Variants in HEPHL1 observed in about 807,000 individuals in gnomAD.
The protein encoded by HEPHL1 is ferroxidase HEPHL1.
Under a neutral mutation model 122.0 loss-of-function variants are expected in HEPHL1, and 123 were observed. The ratio of observed to expected loss-of-function variants is 1.01; its 90% CI spans 0.87 to 1.17. The LOEUF (loss-of-function observed/expected upper bound fraction) is 1.17, where lower values mean the gene tolerates loss of function less well. Among genes scored for constraint, HEPHL1 ranks in the 50% most tolerant of loss-of-function variants. The pLI, the probability that HEPHL1 is intolerant of heterozygous loss-of-function variation, is 0.00. For missense variants in HEPHL1, 1,452 were observed against 1,430.5 expected (o/e 1.01, Z -0.24); for synonymous variants, 527 against 508.9 (o/e 1.04, Z -0.48).
At chr11:94,031,683 C>T (rs776681759) in intron 1 of HEPHL1, among the ~76,000 whole-genome samples, 9 of 152,192 alleles carry the variant, frequency 5.9e-5, no homozygotes, top group Non-Finnish European at 1.3e-4. Context: ...CCTGTGATTC[C>T]TGGGGTTCTT....
intron 1 of HEPHL1, among the ~76,000 whole-genome samples, chr11:94,024,286 G>C (rs573301146): frequency 5.3e-5 from 8 of 152,296 alleles, no homozygotes; most frequent in African/African-American, 1.7e-4. Flanking sequence ...TCTTGAACAT[G>C]TCATATAATC....
intron 1 of HEPHL1, among the ~76,000 whole-genome samples, chr11:94,035,781 G>A (rs1448514133): frequency 2.0e-5 from 3 of 152,302 alleles, no homozygotes; most frequent in African/African-American, 7.2e-5. Flanking sequence ...CTGTCACCCA[G>A]GCTGGAGTGC....
intron 13 of HEPHL1, among the ~76,000 whole-genome samples, chr11:94,097,336 T>A (rs1356690462): frequency 6.6e-6 from 1 of 152,172 alleles, no homozygotes; most frequent in Non-Finnish European, 1.5e-5. Context: ...TTTGAGTGAG[T>A]TCCTTAATCC....
chr11:94,021,455 C>T lies in HEPHL1; in HGVS notation c.87C>T (p.Tyr29=). The T allele has an allele frequency of 6.2e-7, 1 of 1,613,076 alleles. No individual in the cohort carries two copies. The highest frequency in any genetic ancestry group is 8.5e-7 in the Non-Finnish European group (1 of 1,179,086). Residue 29 remains tyrosine (Y), a synonymous_variant, in exon 1 of 20, where the codon TAC becomes TAT. Coordinates refer to ENST00000315765, the MANE Select transcript of HEPHL1 (RefSeq NM_001098672.2). The part of the protein sequence containing the change: ...SGLVGTVTRT[Y]YIGIVEEYWN... The stretch of plus-strand genomic sequence containing the variant: ...TGGTTGGCACAGTTACCAGAACGTA[C>T]TACATTGGGATTGTGGAAGAATACT...
At chr11:94,059,388 A>G (rs1945965352) in intron 2 of HEPHL1, among the ~76,000 whole-genome samples, 1 of 152,156 alleles carries the variant, frequency 6.6e-6, no homozygotes, top group Non-Finnish European at 1.5e-5. Flanking sequence ...TGCTGGTTGT[A>G]TATACTTTCT....
chr11:94,084,859 G>A (rs550433670), intron 10 of HEPHL1, among the ~76,000 whole-genome samples: 2 of 152,204 alleles, frequency 1.3e-5, no homozygotes, highest in East Asian at 3.9e-4. Flanking sequence ...TCCCAGATCT[G>A]AGTACAATTA....
intron 1 of HEPHL1, among the ~76,000 whole-genome samples, chr11:94,042,822 A>C (rs1414040048): frequency 7.2e-6 from 1 of 139,846 alleles, no homozygotes; most frequent in Non-Finnish European, 1.5e-5. Flanking sequence ...ACATGTATAC[A>C]TATGTAACTA....
At position 94,086,161 on chromosome 11, in the gene HEPHL1, A is replaced by G; in HGVS notation, c.2052A>G (p.Thr684=). 6.2e-7 allele frequency: 1 copy of G among 1,612,214 alleles called. No individual in the cohort carries two copies. The highest frequency in any genetic ancestry group is 8.5e-7 in the Non-Finnish European group (1 of 1,179,384). ...DSLALFPHMA[T]TAFMQPDHAG... ...TGGCCCTGTTTCCCCACATGGCCAC[A>G]ACAGCATTCATGCAGCCAGACCATG... The change falls in exon 11 of 20, where the codon ACA becomes ACG. Residue 684 remains threonine, a synonymous_variant. Coordinates refer to ENST00000315765, the MANE Select transcript of HEPHL1 (RefSeq NM_001098672.2).
chr11:94,110,364 T>C (rs1443762121), intron 17 of HEPHL1, among the ~76,000 whole-genome samples: 1 of 152,194 alleles, frequency 6.6e-6, no homozygotes, highest in Non-Finnish European at 1.5e-5. Context: ...AGATGTCGAC[T>C]GGAGCTGCAG....
At chr11:94,099,842 G>A (rs531457834) in intron 13 of HEPHL1, among the ~76,000 whole-genome samples, 44 of 152,308 alleles carry the variant, frequency 2.9e-4, no homozygotes, top group South Asian at 6.2e-4. Flanking sequence ...CTGGTGTGCC[G>A]TTTGCTAAGA....
In HEPHL1 at chr11:94,111,940, G is replaced by T. The variant is rs757987307; in HGVS notation, c.*46G>T. The stretch of plus-strand genomic sequence containing the variant: ...AGGAAAGGGTGATGTCCCACAGCTG[G>T]CCAGATGGCAGCCAACAGGGAAACT... On this transcript the variant is annotated 3_prime_UTR_variant, in exon 20 of 20. Transcript: ENST00000315765. The T allele has an allele frequency of 1.4e-6, 2 of 1,392,814 alleles. No homozygotes were observed. Among genetic ancestry groups the T allele is most frequent in the Non-Finnish European group, 1.9e-6 (2 of 1,045,010 alleles). The allele number at this position is 1,392,814 out of a possible 1,614,324, so 86.3% of individuals were successfully genotyped here.
intron 1 of HEPHL1, among the ~76,000 whole-genome samples, chr11:94,036,727 T>G (rs1223183796): frequency 6.6e-6 from 1 of 151,358 alleles, no homozygotes; most frequent in Non-Finnish European, 1.5e-5. Context: ...TAGTCCCAGC[T>G]AGTCTGGAGG....
rs1181023738 is a variant in HEPHL1 at position 94,111,811 on chromosome 11, C to T, written c.3397C>T (p.Leu1133Phe). The T allele has an allele frequency of 3.8e-6, 6 of 1,568,640 alleles. No individual in the cohort carries two copies. The highest frequency in any genetic ancestry group is 5.2e-6 in the Non-Finnish European group (6 of 1,159,332). ...CCTCCTTCTAATCACCACGGTGATT[C>T]TCTCCCTCAGACTCTGCTCTGCAAT... Reference protein sequence around the residue: ...GLLLLITTVILSLRLCSAMKQ... With the variant: ...GLLLLITTVIFSLRLCSAMKQ... The change falls in exon 20 of 20, where the codon CTC becomes TTC. Residue 1133 changes from leucine to phenylalanine, a missense_variant. Physicochemically the swap from Leu to Phe is conservative, Grantham distance 22 (BLOSUM62 0). Transcript: ENST00000315765.
rs753861159 is a variant in HEPHL1 at position 94,060,302 on chromosome 11, GTA to G, written c.416-3202_416-3201del. Among the ~76,000 whole-genome samples, 27 of 151,326 alleles carry G rather than the reference GTA, an allele frequency of 1.8e-4. No individual in the cohort carries two copies. In the East Asian group the frequency reaches 3.5e-3, roughly 20 times the overall value. On this transcript the variant is annotated intron_variant, in intron 2 of 19. Transcript: ENST00000315765. Reference sequence around the variant, plus strand: ...GCACACATGATATATATATGTGTGTGTATATGTATACACATATACATACTATA... The same window carrying G: ...GCACACATGATATATATATGTGTGTGTATGTATACACATATACATACTATA...
chr11:94,114,055 A>T lies in HEPHL1; in HGVS notation c.*2161A>T, dbSNP rs139569546. ...CTGCTCCTAGCAGGACAGTCTCTTCATTTGACTTTGGGTCTCATTGCTTCT... is the reference window on the plus strand; with the variant it reads ...CTGCTCCTAGCAGGACAGTCTCTTCTTTTGACTTTGGGTCTCATTGCTTCT... On this transcript the variant is annotated 3_prime_UTR_variant, in exon 20 of 20. Coordinates refer to ENST00000315765, the MANE Select transcript of HEPHL1 (RefSeq NM_001098672.2). 2.0e-3 allele frequency among the ~76,000 whole-genome samples: 304 copies of T among 152,176 alleles called. 3 individuals are homozygous for T. Among genetic ancestry groups the T allele is most frequent in the African/African-American group, 6.8e-3 (284 of 41,520 alleles).
Position 94,111,887 on chromosome 11 carries a change from C to G in HEPHL1, c.3473C>G (p.Ala1158Gly), listed in dbSNP as rs766214615. The G allele has an allele frequency of 1.3e-6, 2 of 1,510,552 alleles. No individual in the cohort carries two copies. Among genetic ancestry groups the G allele is most frequent in the South Asian group, 2.7e-5 (2 of 73,368 alleles). The allele number at this position is 1,510,552 out of a possible 1,614,324, so 93.6% of individuals were successfully genotyped here. A position where few individuals can be genotyped will look rare whatever the true frequency, so the allele number is the denominator to read the frequency against. ...CAGTCCTGTGCTCTCCCCACGGATGCTCTGTGAACCATCTGGTCTCCCTCA... is the reference window on the plus strand; with the variant it reads ...CAGTCCTGTGCTCTCCCCACGGATGGTCTGTGAACCATCTGGTCTCCCTCA... ...QVQSCALPTD[A>G]L The change falls in exon 20 of 20, where the codon GCT becomes GGT. Residue 1158 changes from alanine (A) to glycine (G), a missense_variant. Coordinates refer to ENST00000315765, the MANE Select transcript of HEPHL1 (RefSeq NM_001098672.2).
intron 4 of HEPHL1, among the ~76,000 whole-genome samples, chr11:94,066,122 C>T (rs574868031): frequency 2.6e-5 from 4 of 152,262 alleles, no homozygotes; most frequent in South Asian, 2.1e-4. Context: ...TGCATTAGCC[C>T]GGGAGTTTGA....
chr11:94,074,880 C>T (rs1310016148), intron 8 of HEPHL1, among the ~76,000 whole-genome samples: 1 of 152,118 alleles, frequency 6.6e-6, no homozygotes, highest in Non-Finnish European at 1.5e-5. Flanking sequence ...TATGAATTTT[C>T]ACTTAACTGT....
intron 12 of HEPHL1, among the ~76,000 whole-genome samples, chr11:94,090,321 G>T (rs1379612823): frequency 1.3e-5 from 2 of 152,102 alleles, no homozygotes; most frequent in Non-Finnish European, 2.9e-5. Flanking sequence ...CATAACTAAA[G>T]AAATAATTGT....
Sources: allele counts gnomAD v4.1 joint callset (sites outside exome capture counted in the v4.1 genomes callset), GRCh38; gene constraint gnomAD v4.1.1; transcripts MANE v1.5; gene names NCBI Gene and HGNC (gene_info 2026-07-23, HGNC 2026-07-21).